Variants in RASSF2 observed in about 807,000 individuals in gnomAD.
The protein encoded by RASSF2 is Ras association domain family member 2, also known as ras association domain-containing protein 2.
In RASSF2, 34 loss-of-function variants were observed where a neutral mutation model predicts 46.3. The observed-to-expected ratio is 0.73, with a 90% CI of 0.56 to 0.98. The LOEUF (loss-of-function observed/expected upper bound fraction) is 0.98. RASSF2 is among the 50% of genes least tolerant of loss of function. RASSF2 has a pLI of 0.00. For missense variants in RASSF2, 364 were observed against 431.2 expected (o/e 0.84, Z 1.38); for synonymous variants, 158 against 162.5 (o/e 0.97, Z 0.21).
At chr20:4,811,867 A>G (rs554280985) in intron 2 of RASSF2, among the ~76,000 whole-genome samples, 1 of 152,240 alleles carries the variant, frequency 6.6e-6, no homozygotes, top group South Asian at 2.1e-4. Context: ...CCCTCTGAGG[A>G]CAACCTGGAT....
At chr20:4,819,374 G>A (rs573277108) in intron 2 of RASSF2, among the ~76,000 whole-genome samples, 17 of 152,240 alleles carry the variant, frequency 1.1e-4, no homozygotes, top group African/African-American at 3.9e-4. Context: ...CAAAGGGAGT[G>A]TACAAAGTAC....
intron 5 of RASSF2, among the ~76,000 whole-genome samples, chr20:4,794,398 CT>C (rs1926160700): frequency 2.0e-5 from 3 of 152,056 alleles, no homozygotes; most frequent in African/African-American, 4.8e-5. Context: ...ATGAAACCCC[CT>C]CTCTACCAAA....
intron 1 of RASSF2, among the ~76,000 whole-genome samples, chr20:4,823,117 G>T (rs539709377): frequency 1.3e-5 from 2 of 152,134 alleles, no homozygotes; most frequent in South Asian, 4.1e-4. Context: ...GGAGCCCCGC[G>T]GCTCGGGGAG....
At chr20:4,802,421 C>T (rs1926948937) in intron 2 of RASSF2, among the ~76,000 whole-genome samples, 1 of 152,136 alleles carries the variant, frequency 6.6e-6, no homozygotes, top group Non-Finnish European at 1.5e-5. Context: ...GTGGAAGCAG[C>T]CCAAGTGTCC....
chr20:4,786,338 A>C lies in RASSF2; in HGVS notation c.814-10T>G. The C allele has an allele frequency of 6.3e-7, 1 of 1,577,062 alleles. No homozygotes were observed. The highest frequency in any genetic ancestry group is 1.3e-5 in the African/African-American group (1 of 74,114). On this transcript the variant is annotated splice_polypyrimidine_tract_variant and intron_variant, in intron 10 of 11. Coordinates refer to ENST00000379400, the MANE Select transcript of RASSF2 (RefSeq NM_014737.3). Reference sequence around the variant, plus strand: ...TTATATACTGGGCCACCTAGAGAGAAAGAAGCAAGTCTGGGTGAATGCCCT... The same window carrying C: ...TTATATACTGGGCCACCTAGAGAGACAGAAGCAAGTCTGGGTGAATGCCCT...
intron 6 of RASSF2, among the ~76,000 whole-genome samples, 153 bp downstream of exon 6, chr20:4,792,386 G>A (rs1182409838): frequency 6.6e-6 from 1 of 152,124 alleles, no homozygotes; most frequent in Non-Finnish European, 1.5e-5. Flanking sequence ...GCTTCTAGGT[G>A]GGTGGATGAG....
chr20:4,798,351 G>T (rs539649321), intron 3 of RASSF2, among the ~76,000 whole-genome samples: 1 of 152,246 alleles, frequency 6.6e-6, no homozygotes, highest in African/African-American at 2.4e-5. Flanking sequence ...ACCAAGGCAG[G>T]CCTCGTCTAC....
rs1601075719 is a variant in RASSF2, at chr20:4,783,931, G to A, written c.*342C>T. 8.7e-6 allele frequency: 2 copies of A among 230,152 alleles called. No homozygotes were observed. The highest frequency in any genetic ancestry group is 9.0e-5 in the East Asian group (1 of 11,110). 14.3% of individuals were successfully genotyped at this position (230,152 alleles called of 1,614,324 possible). A position where few individuals can be genotyped will look rare whatever the true frequency, so the allele number is the denominator to read the frequency against. On this transcript the variant is annotated 3_prime_UTR_variant, in exon 12 of 12. Coordinates refer to ENST00000379400, the MANE Select transcript of RASSF2 (RefSeq NM_014737.3). The stretch of plus-strand genomic sequence containing the variant: ...CGAGCAGCACATGTGCCAAGCTCAC[G>A]GCTCTTGTGCTGGTTGCCTGGAATT...
intron 2 of RASSF2, among the ~76,000 whole-genome samples, chr20:4,809,290 T>C (rs1169079466): frequency 6.6e-6 from 1 of 152,180 alleles, no homozygotes; most frequent in Non-Finnish European, 1.5e-5. Context: ...GGCCATTTAA[T>C]ATGATGACAT....
intron 7 of RASSF2, among the ~76,000 whole-genome samples, chr20:4,789,973 A>G (rs1473761786): frequency 1.3e-5 from 2 of 152,062 alleles, no homozygotes. Context: ...CGGGGGTAGG[A>G]TTTGAACAAA....
At chr20:4,796,906 C>T (rs1926400071) in intron 4 of RASSF2, among the ~76,000 whole-genome samples, 1 of 152,070 alleles carries the variant, frequency 6.6e-6, no homozygotes, top group African/African-American at 2.4e-5. Context: ...TTTTTGGAGC[C>T]ATGTTTTATG....
At position 4,790,333 on chromosome 20, in the gene RASSF2, C is replaced by T; in HGVS notation, c.537+118G>A. Reference sequence around the variant, plus strand: ...GCCCACCCACAACCCAAAGACTAAACAGCAGCAAACACTTGGCTTCCCAGG... The same window carrying T: ...GCCCACCCACAACCCAAAGACTAAATAGCAGCAAACACTTGGCTTCCCAGG... On this transcript the variant is annotated intron_variant, in intron 7 of 11. Coordinates refer to ENST00000379400, the MANE Select transcript of RASSF2 (RefSeq NM_014737.3). The surrounding 1 kb of genome is among the most constrained non-coding windows in gnomAD (Gnocchi z 4.3). The T allele has an allele frequency of 5.0e-6, 6 of 1,197,610 alleles. No individual in the cohort carries two copies. Among genetic ancestry groups the T allele is most frequent in the Non-Finnish European group, 6.6e-6 (6 of 911,246 alleles). The allele number at this position is 1,197,610 out of a possible 1,614,324, so 74.2% of individuals were successfully genotyped here. A position where few individuals can be genotyped will look rare whatever the true frequency, so the allele number is the denominator to read the frequency against.
intron 5 of RASSF2, among the ~76,000 whole-genome samples, chr20:4,794,047 A>G (rs1301782231): frequency 6.6e-6 from 1 of 152,216 alleles, no homozygotes; most frequent in African/African-American, 2.4e-5. Context: ...AGGCTGTGAA[A>G]TGGGCTTGGC....
intron 2 of RASSF2, among the ~76,000 whole-genome samples, chr20:4,804,450 G>C (rs560369058): frequency 5.6e-5 from 8 of 142,184 alleles, no homozygotes; most frequent in African/African-American, 2.1e-4. Context: ...CAATTCTCCT[G>C]CCTCAGCCTC....
chr20:4,797,907 G>C (rs1601103680), intron 4 of RASSF2, 103 bp downstream of exon 4: 3 of 1,525,754 alleles, frequency 2.0e-6, no homozygotes, highest in Non-Finnish European at 8.8e-7. Context: ...ATAAGAAGCA[G>C]GAGAGGCAGG....
chr20:4,814,058 A>G (rs1328600660), intron 2 of RASSF2, among the ~76,000 whole-genome samples: 1 of 151,712 alleles, frequency 6.6e-6, no homozygotes, highest in Non-Finnish European at 1.5e-5. Context: ...AAGACAAGAC[A>G]CTCCCTGACC....
At chr20:4,792,446 T>C in intron 6 of RASSF2, 93 bp downstream of exon 6, 3 of 1,556,446 alleles carry the variant, frequency 1.9e-6, no homozygotes, top group South Asian at 1.2e-5. Context: ...ATACATTTTA[T>C]ATTCTCAAAA....
At chr20:4,796,321 A>G (rs1364454767) in intron 4 of RASSF2, among the ~76,000 whole-genome samples, 1 of 152,264 alleles carries the variant, frequency 6.6e-6, no homozygotes, top group Non-Finnish European at 1.5e-5. Context: ...AGAAGCAAGA[A>G]CTGGAGTTAG....
chr20:4,813,356 GC>G (rs1399523038), intron 2 of RASSF2, among the ~76,000 whole-genome samples: 20 of 152,196 alleles, frequency 1.3e-4, no homozygotes, highest in South Asian at 2.1e-4. Flanking sequence ...GCCCAGCCCG[GC>G]CCAGCCCTCC....
Sources: allele counts gnomAD v4.1 joint callset (sites outside exome capture counted in the v4.1 genomes callset), GRCh38; gene constraint gnomAD v4.1.1; non-coding constraint Gnocchi (gnomAD v3.1); transcripts MANE v1.5; gene names NCBI Gene and HGNC (gene_info 2026-07-23, HGNC 2026-07-21).